THRAP3: variants seen among roughly 807,000 people sequenced by gnomAD.
THRAP3 encodes thyroid hormone receptor-associated protein 3.
In THRAP3, 16 loss-of-function variants were observed where a neutral mutation model predicts 101.0. That is an observed-to-expected ratio of 0.16 (90% CI 0.11 to 0.24). THRAP3 has a LOEUF of 0.24. Among genes scored for constraint, THRAP3 ranks in the 10% least tolerant of loss-of-function variants. The pLI, the probability that THRAP3 is intolerant of heterozygous loss-of-function variation, is 1.00. For synonymous variants in THRAP3, 407 were observed against 422.6 expected (o/e 0.96, Z 0.45); for missense variants, 989 against 1,202.7 (o/e 0.82, Z 2.63).
the THRAP3 span, among the ~76,000 whole-genome samples, chr1:36,218,414 C>CAAAA: frequency 4.2e-4 from 17 of 40,104 alleles, no homozygotes; most frequent in Non-Finnish European, 5.6e-4. Context: ...GACTCTGTCT[C>CAAAA]AAAAAAAAAA....
chr1:36,293,679 T>TGTGTGTGTGTCTGC (rs57825127), intron 7 of THRAP3, among the ~76,000 whole-genome samples, 172 bp from the exon 8 acceptor site: 7 of 151,134 alleles, frequency 4.6e-5, no homozygotes, highest in African/African-American at 1.7e-4. Flanking sequence ...TGTGTGTGTG[T>TGTGTGTGTGTCTGC]CTGCCTATGG....
intron 1 of THRAP3, among the ~76,000 whole-genome samples, chr1:36,224,772 T>TA: frequency 6.6e-6 from 1 of 152,286 alleles, no homozygotes; most frequent in East Asian, 1.9e-4. Context: ...TACGCCGCTT[T>TA]ATCTTGCAGT....
chr1:36,256,604 A>T (rs1645379181), intron 1 of THRAP3, among the ~76,000 whole-genome samples: 1 of 152,140 alleles, frequency 6.6e-6, no homozygotes, highest in South Asian at 2.1e-4. Context: ...CGCAGCAGCG[A>T]GCATGTATCA....
At chr1:36,260,695 G>A (rs1039020995) in intron 2 of THRAP3, among the ~76,000 whole-genome samples, 1 of 151,752 alleles carries the variant, frequency 6.6e-6, no homozygotes, top group Non-Finnish European at 1.5e-5. Flanking sequence ...GGTGGTGGGC[G>A]CCTGTAGTCC....
the THRAP3 span, among the ~76,000 whole-genome samples, chr1:36,213,909 G>GAGA: frequency 1.2e-5 from 1 of 80,354 alleles, no homozygotes; most frequent in Admixed American, 1.4e-4. Flanking sequence ...AAGAAGGAAA[G>GAGA]AGAAAGAAAG....
At position 36,247,094 on chromosome 1, in the gene THRAP3, G is replaced by T. The variant is rs1252049082; in HGVS notation, c.-134-12288G>T. 2.0e-5 allele frequency among the ~76,000 whole-genome samples: 3 copies of T among 151,526 alleles called. No individual in the cohort carries two copies. The South Asian group carries it at 6.3e-4, about 32-fold the overall frequency. On this transcript the variant is annotated intron_variant, in intron 1 of 11. Transcript: ENST00000354618. ...AGCACTTTGGGAGGCTGAGGCGGGCGGATCACGAGGTCAGGAGTTCCAGAC... is the reference window on the plus strand; with the variant it reads ...AGCACTTTGGGAGGCTGAGGCGGGCTGATCACGAGGTCAGGAGTTCCAGAC...
In THRAP3 at chr1:36,286,277, C is replaced by G; in HGVS notation, c.138-91C>G. On this transcript the variant is annotated intron_variant, in intron 3 of 11. Transcript: ENST00000354618. The surrounding 1 kb of genome is among the most constrained non-coding windows in gnomAD (Gnocchi z 5.5). ...AAAACAAAACTGAAAGTGAATGACACATAAGGGCAGGGATTTCAGAACAGA... is the reference window on the plus strand; with the variant it reads ...AAAACAAAACTGAAAGTGAATGACAGATAAGGGCAGGGATTTCAGAACAGA... 7.6e-7 allele frequency: 1 copy of G among 1,320,454 alleles called. No individual in the cohort carries two copies. The highest frequency in any genetic ancestry group is 1.5e-5 in the South Asian group (1 of 68,404). 81.8% of individuals were successfully genotyped at this position (1,320,454 alleles called of 1,614,324 possible). A position where few individuals can be genotyped will look rare whatever the true frequency, so the allele number is the denominator to read the frequency against.
upstream of THRAP3, among the ~76,000 whole-genome samples, chr1:36,223,798 C>A (rs1009012741): frequency 4.0e-5 from 6 of 151,816 alleles, no homozygotes; most frequent in African/African-American, 1.5e-4. Flanking sequence ...TGGGGAGAGG[C>A]GGTTTCTGGG....
the THRAP3 span, among the ~76,000 whole-genome samples, chr1:36,210,403 T>G: frequency 1.4e-3 from 213 of 147,504 alleles, 1 homozygote; most frequent in Non-Finnish European, 7.5e-4. Context: ...ATTTTAAAAT[T>G]ATAGGCTGGG....
chr1:36,220,736 C>T (rs373189282), upstream of THRAP3, among the ~76,000 whole-genome samples: 16 of 151,416 alleles, frequency 1.1e-4, no homozygotes, highest in African/African-American at 2.9e-4. Flanking sequence ...GGTGGATCAC[C>T]TGAGGTGAGG....
Position 36,268,409 on chromosome 1 carries a change from G to A in THRAP3, c.-32+8925G>A, listed in dbSNP as rs890388061. ...AATTGAACCTCCATGGATAAGAGCC[G>A]GTCCAGTATTTGTTACATTGGCAGT... On this transcript the variant is annotated intron_variant, in intron 2 of 11. Transcript: ENST00000354618. Among the ~76,000 whole-genome samples, 42 of 152,016 alleles carry A rather than the reference G, an allele frequency of 2.8e-4. 1 individual carries two copies. Among genetic ancestry groups the A allele is most frequent in the Non-Finnish European group, 4.3e-4 (29 of 68,016 alleles).
chr1:36,211,849 A>C, the THRAP3 span, among the ~76,000 whole-genome samples: 2 of 152,138 alleles, frequency 1.3e-5, no homozygotes, highest in Non-Finnish European at 2.9e-5. Context: ...TCAAGCATAG[A>C]GGGTCAGACA....
chr1:36,234,667 T>C (rs1645064799), intron 1 of THRAP3, among the ~76,000 whole-genome samples: 1 of 152,174 alleles, frequency 6.6e-6, no homozygotes, highest in South Asian at 2.1e-4. Context: ...ACTTAAATTG[T>C]AAAAGCCTGT....
chr1:36,301,389 TTGAGA>T (rs1468951632), intron 10 of THRAP3, among the ~76,000 whole-genome samples, 159 bp from the exon 11 acceptor site: 4 of 152,208 alleles, frequency 2.6e-5, no homozygotes, highest in Non-Finnish European at 5.9e-5. Flanking sequence ...GGCTGCAGAC[TTGAGA>T]TGAGCAGAAA....
Position 36,303,867 on chromosome 1 carries a change from G to A in THRAP3, c.2718G>A (p.Arg906=). 6.2e-7 allele frequency: 1 copy of A among 1,614,118 alleles called. No individual in the cohort carries two copies. Among genetic ancestry groups the A allele is most frequent in the South Asian group, 1.1e-5 (1 of 91,074 alleles). ...SRGRGRGAFP[R]GRGRFMFRKS... ...GCCGGGGCCGAGGAGCCTTTCCTCG[G>A]GGTCGGGGCCGGTTCATGTTCCGGA... The change falls in exon 12 of 12, where the codon CGG becomes CGA. Residue 906 remains arginine (R), a synonymous_variant. Transcript: ENST00000354618.
chr1:36,292,256 C>CTG (rs1645881325), intron 6 of THRAP3, among the ~76,000 whole-genome samples: 4 of 54,532 alleles, frequency 7.3e-5, no homozygotes, highest in Non-Finnish European at 1.4e-4. Context: ...TAATGTGTTT[C>CTG]TTTGTTTCTT....
At position 36,296,599 on chromosome 1, in the gene THRAP3, A is replaced by G. The variant is rs1645954076; in HGVS notation, c.2132A>G (p.Lys711Arg). The G allele has an allele frequency of 1.3e-6, 2 of 1,565,398 alleles. No individual in the cohort carries two copies. Among genetic ancestry groups the G allele is most frequent in the Non-Finnish European group, 1.7e-6 (2 of 1,162,974 alleles). The change falls in exon 9 of 12, where the codon AAA becomes AGA. Residue 711 changes from lysine (K) to arginine (R), a missense_variant. Lys to Arg is a conservative substitution (Grantham distance 26, BLOSUM62 2). Coordinates refer to ENST00000354618, the MANE Select transcript of THRAP3 (RefSeq NM_005119.4). Reference sequence around the variant, plus strand: ...TTTTGATAGGCTGAGGGAAAATACAAAGATGATCCTGTTGATCTCCGCCTT... The same window carrying G: ...TTTTGATAGGCTGAGGGAAAATACAGAGATGATCCTGTTGATCTCCGCCTT... ...EPGYKAEGKYKDDPVDLRLDI... is the reference protein window; with the variant it reads ...EPGYKAEGKYRDDPVDLRLDI...
chr1:36,226,302 C>T (rs1482806507), intron 1 of THRAP3, among the ~76,000 whole-genome samples: 3 of 152,174 alleles, frequency 2.0e-5, no homozygotes, highest in African/African-American at 4.8e-5. Flanking sequence ...CGCTGTCACC[C>T]AGGCTGGAGT....
At chr1:36,301,749 T>G in intron 11 of THRAP3, 53 bp downstream of exon 11, 3 of 1,561,788 alleles carry the variant, frequency 1.9e-6, no homozygotes, top group Non-Finnish European at 2.6e-6. Flanking sequence ...ACACACAGAG[T>G]AGCTGATACC....
Sources: allele counts gnomAD v4.1 joint callset (sites outside exome capture counted in the v4.1 genomes callset), GRCh38; gene constraint gnomAD v4.1.1; non-coding constraint Gnocchi (gnomAD v3.1); transcripts MANE v1.5; gene names NCBI Gene and HGNC (gene_info 2026-07-23, HGNC 2026-07-21).